MDH1B: variants seen among roughly 807,000 people sequenced by gnomAD.
MDH1B encodes the protein putative malate dehydrogenase 1B.
In MDH1B, 60 loss-of-function variants were observed where a neutral mutation model predicts 61.4. The observed-to-expected ratio is 0.98, with a 90% confidence interval of 0.79 to 1.21. MDH1B has a LOEUF of 1.21. MDH1B is among the 50% of genes most tolerant of loss of function. MDH1B has a pLI of 0.00. For missense variants in MDH1B, 587 were observed against 632.1 expected, an observed-to-expected ratio of 0.93 and a Z score of 0.76; for synonymous variants, 236 against 218.7, an observed-to-expected ratio of 1.08 and a Z score of -0.70.
chr2:206,750,163 G>A (rs564861562), intron 6 of MDH1B, among the ~76,000 whole-genome samples: 3 of 152,010 alleles, frequency 2.0e-5, no homozygotes, highest in Admixed American at 6.5e-5. Flanking sequence ...CTACAACTGG[G>A]AAAGTGCTGC....
chr2:206,740,125 T>C (rs562118700), intron 10 of MDH1B, among the ~76,000 whole-genome samples: 5 of 152,364 alleles, frequency 3.3e-5, no homozygotes, highest in Admixed American at 2.6e-4. Context: ...ACATTATATG[T>C]ATACAGTTGA....
rs1688784987 is a variant in MDH1B, at chr2:206,756,780, C to A, written c.413+118G>T. Reference sequence around the variant, plus strand: ...ATGTGTATACATATAAGTATACATACACACAAATTTCAAACCTGACATTCA... The same window carrying A: ...ATGTGTATACATATAAGTATACATAAACACAAATTTCAAACCTGACATTCA... On this transcript the variant is annotated intron_variant, in intron 4 of 11. Coordinates refer to ENST00000374412, the MANE Select transcript of MDH1B (RefSeq NM_001039845.3). The A allele has an allele frequency of 4.8e-6, 5 of 1,035,758 alleles. No homozygotes were observed. The African/African-American group carries it at 6.4e-5, about 13-fold the overall frequency. 64.2% of individuals were successfully genotyped at this position (1,035,758 alleles called of 1,614,324 possible).
chr2:206,744,797 C>T (rs1470417421), intron 9 of MDH1B, among the ~76,000 whole-genome samples: 2 of 151,886 alleles, frequency 1.3e-5, no homozygotes, highest in Non-Finnish European at 2.9e-5. Context: ...TGGTGGTGTG[C>T]ACCTGTAGTT....
chr2:206,745,625 AT>A lies in MDH1B; in HGVS notation c.1404del (p.Gln468HisfsTer15), dbSNP rs1467156034. 6 of 1,609,460 alleles carry A rather than the reference AT, an allele frequency of 3.7e-6. No homozygotes were observed. The highest frequency in any genetic ancestry group is 5.1e-6 in the Non-Finnish European group (6 of 1,177,276). On this transcript the variant is annotated frameshift_variant, in exon 9 of 12. Coordinates refer to ENST00000374412, the MANE Select transcript of MDH1B (RefSeq NM_001039845.3). LOFTEE classifies it high-confidence loss of function. ...AACATCACGTCTAAGAGCTTACCTG[AT>A]TGGTATGGCTGAAAATGTATCTTGT... ...LGDKIHFQPY[Q>X]SGHKDLVPDE...
At chr2:206,749,569 G>A (rs754209989) in intron 6 of MDH1B, among the ~76,000 whole-genome samples, 1 of 152,232 alleles carries the variant, frequency 6.6e-6, no homozygotes, top group African/African-American at 2.4e-5. Flanking sequence ...TACAGGTTGC[G>A]TATCCCTTAG....
At chr2:206,763,215 T>C (rs551250258) in intron 1 of MDH1B, among the ~76,000 whole-genome samples, 1 of 150,492 alleles carries the variant, frequency 6.6e-6, no homozygotes, top group African/African-American at 2.4e-5. Flanking sequence ...AGTAAGAGTA[T>C]CCAGAGTATT....
At chr2:206,758,711 A>G (rs1198366017) in intron 2 of MDH1B, among the ~76,000 whole-genome samples, 1 of 152,076 alleles carries the variant, frequency 6.6e-6, no homozygotes. Flanking sequence ...GGTTGCAGTG[A>G]GCCGAGATTG....
intron 5 of MDH1B, 86 bp from the exon 6 acceptor site, chr2:206,751,161 A>T: frequency 1.0e-6 from 1 of 969,370 alleles, no homozygotes; most frequent in East Asian, 2.7e-5. Flanking sequence ...GTTTGCGTGC[A>T]TGTTTGTTTT....
At chr2:206,739,528 C>A (rs1687687794) in intron 11 of MDH1B, 65 bp downstream of exon 11, 2 of 1,401,046 alleles carry the variant, frequency 1.4e-6, no homozygotes, top group Non-Finnish European at 2.0e-6. Context: ...GAAATTTGAT[C>A]CTCTATTACC....
chr2:206,753,831 C>T lies in MDH1B; in HGVS notation c.910+1178G>A, dbSNP rs578052146. Among the ~76,000 whole-genome samples the T allele has an allele frequency of 2.0e-5, 3 of 152,302 alleles. No individual in the cohort carries two copies. In the South Asian group the frequency reaches 6.2e-4, roughly 32 times the overall value. On this transcript the variant is annotated intron_variant, in intron 5 of 11. Transcript: ENST00000374412. Reference sequence around the variant, plus strand: ...TAGAGTCATGGCACCAGCAGACCCACAAGACAGCAGCTTTCTGGCTGAAAG... The same window carrying T: ...TAGAGTCATGGCACCAGCAGACCCATAAGACAGCAGCTTTCTGGCTGAAAG...
Position 206,738,422 on chromosome 2 carries a change from TA to T in MDH1B, c.*60del. On this transcript the variant is annotated 3_prime_UTR_variant, in exon 12 of 12. Transcript: ENST00000374412. ...TCTTCCTTAAATATAGACATTCATA[TA>T]AATTCTTTCTATGTTTATTGTGCTA... 1 of 1,243,168 alleles carries T rather than the reference TA, an allele frequency of 8.0e-7. No homozygotes were observed. The highest frequency in any genetic ancestry group is 1.1e-6 in the Non-Finnish European group (1 of 876,204). 77.0% of individuals were successfully genotyped at this position (1,243,168 alleles called of 1,614,324 possible).
chr2:206,754,433 A>T (rs1688638845), intron 5 of MDH1B, among the ~76,000 whole-genome samples: 1 of 152,208 alleles, frequency 6.6e-6, no homozygotes, highest in Admixed American at 6.5e-5. Context: ...GATTAATAGG[A>T]GCAGAAACCG....
chr2:206,743,006 C>T (rs571398806), intron 9 of MDH1B, among the ~76,000 whole-genome samples: 11 of 152,226 alleles, frequency 7.2e-5, no homozygotes, highest in South Asian at 2.1e-4. Flanking sequence ...TGAGCCACCA[C>T]GCCCAGCCGA....
chr2:206,748,995 C>T, intron 7 of MDH1B, 25 bp downstream of exon 7: 2 of 1,605,682 alleles, frequency 1.2e-6, no homozygotes, highest in Non-Finnish European at 1.7e-6. Flanking sequence ...TAAGATTTTA[C>T]AAGATATGAA....
At chr2:206,756,491 T>C (rs774415839) in intron 4 of MDH1B, 20 of 169,928 alleles carry the variant, frequency 1.2e-4, no homozygotes, top group Non-Finnish European at 2.0e-4. Flanking sequence ...GGAGCACACA[T>C]GAGAAGGAGA....
chr2:206,739,060 A>G (rs1193552766), intron 11 of MDH1B, among the ~76,000 whole-genome samples: 1 of 152,160 alleles, frequency 6.6e-6, no homozygotes, highest in Non-Finnish European at 1.5e-5. Flanking sequence ...ACTTGTGTCA[A>G]TTTCCTTACT....
At chr2:206,749,214 T>C in intron 6 of MDH1B, 31 bp from the exon 7 acceptor site, 1 of 1,600,676 alleles carries the variant, frequency 6.2e-7, no homozygotes. Context: ...AATTTTACAA[T>C]GGAGAGAGGA....
chr2:206,755,793 T>TA (rs939053919), intron 4 of MDH1B, among the ~76,000 whole-genome samples: 4 of 152,118 alleles, frequency 2.6e-5, no homozygotes, highest in South Asian at 2.1e-4. Context: ...GAAATCAAAA[T>TA]AAAAAAACTA....
At chr2:206,762,138 C>A (rs1284913191) in intron 1 of MDH1B, among the ~76,000 whole-genome samples, 1 of 151,732 alleles carries the variant, frequency 6.6e-6, no homozygotes, top group African/African-American at 2.4e-5. Context: ...CCCTCTGTTT[C>A]CCTTATCAGC....
Sources: gnomAD v4.1 joint callset for allele counts (sites outside exome capture counted in the v4.1 genomes callset) on GRCh38, gnomAD v4.1.1 for gene constraint, MANE v1.5 for transcripts, NCBI Gene and HGNC (gene_info 2026-07-23, HGNC 2026-07-21) for gene names.